Variants in YWHAZ observed in about 807,000 individuals in gnomAD.
YWHAZ encodes the protein 14-3-3 protein zeta/delta.
For missense variants in YWHAZ, 79 were observed against 284.8 expected, an observed-to-expected ratio of 0.28 and a Z score of 5.20; for synonymous variants, 87 against 103.6, an observed-to-expected ratio of 0.84 and a Z score of 0.97.
Position 100,920,716 on chromosome 8 carries a change from C to T in YWHAZ, c.715G>A (p.Ala239Thr), listed in dbSNP as rs776237751. 4.4e-6 allele frequency: 7 copies of T among 1,579,590 alleles called. No individual in the cohort carries two copies. The highest frequency in any genetic ancestry group is 3.5e-5 in the Admixed American group (2 of 56,574). ...TSDTQGDEAEAGEGGEN is the reference protein window; with the variant it reads ...TSDTQGDEAETGEGGEN The stretch of plus-strand genomic sequence containing the variant: ...GGTTAATTTTCCCCTCCTTCTCCTG[C>T]TTCAGCTTCGTCTCCTTGGGTATCC... The change falls in exon 6 of 6, where the codon GCA becomes ACA. Residue 239 changes from alanine to threonine, a missense_variant. Coordinates refer to ENST00000395958, the MANE Select transcript of YWHAZ (RefSeq NM_145690.3).
intron 1 of YWHAZ, chr8:100,951,584 C>G (rs1365098665): frequency 4.1e-6 from 4 of 985,032 alleles, no homozygotes; most frequent in Non-Finnish European, 4.8e-6. Context: ...CCGGCGGCGC[C>G]CCGGCCATGC....
Position 100,918,281 on chromosome 8 carries a change from T to C in YWHAZ, c.*2412A>G, listed in dbSNP as rs1210011972. On this transcript the variant is annotated 3_prime_UTR_variant, in exon 6 of 6. Transcript: ENST00000395958. ...TCGCTTGAACCCAGCAGGCGGAGGT[T>C]GCACTCAGCCGAGATCGCACCACTG... is the stretch of plus-strand genomic sequence containing the variant. 6.9e-6 allele frequency: 1 copy of C among 144,400 alleles called. No homozygotes were observed. Among genetic ancestry groups the C allele is most frequent in the African/African-American group, 2.6e-5 (1 of 38,930 alleles). The allele number at this position is 144,400 out of a possible 1,614,324, so 8.9% of individuals were successfully genotyped here.
At chr8:100,942,262 C>A (rs1261211720) in intron 2 of YWHAZ, among the ~76,000 whole-genome samples, 1 of 152,180 alleles carries the variant, frequency 6.6e-6, no homozygotes, top group African/African-American at 2.4e-5. Context: ...CTAGTGAAAT[C>A]TGCCAATATG....
intron 2 of YWHAZ, among the ~76,000 whole-genome samples, chr8:100,942,364 T>A (rs893657196): frequency 2.6e-5 from 4 of 152,194 alleles, no homozygotes; most frequent in Admixed American, 1.3e-4. Context: ...TATTGCACAG[T>A]AACTTTCACA....
intron 2 of YWHAZ, among the ~76,000 whole-genome samples, chr8:100,945,870 C>T (rs1360782550): frequency 2.0e-4 from 30 of 151,990 alleles, no homozygotes; most frequent in African/African-American, 4.8e-5. Flanking sequence ...TCTAAAGAAG[C>T]CTTTCTGCTT....
chr8:100,946,078 G>A (rs1365292454), intron 2 of YWHAZ, among the ~76,000 whole-genome samples: 1 of 152,150 alleles, frequency 6.6e-6, no homozygotes, highest in African/African-American at 2.4e-5. Context: ...GGAAGCCAGT[G>A]CTATTCTGGA....
At position 100,919,889 on chromosome 8, in the gene YWHAZ, A is replaced by C. The variant is rs1812901964; in HGVS notation, c.*804T>G. On this transcript the variant is annotated 3_prime_UTR_variant, in exon 6 of 6. Coordinates refer to ENST00000395958, the MANE Select transcript of YWHAZ (RefSeq NM_145690.3). ...AGTATCAAAAAAAAAAAAATCACAA[A>C]AGCAAAAATCCTAAAAAAAAGTTAA... The C allele has an allele frequency of 6.9e-6, 1 of 145,498 alleles. No homozygotes were observed. Among genetic ancestry groups the C allele is most frequent in the African/African-American group, 2.5e-5 (1 of 39,790 alleles). The allele number at this position is 145,498 out of a possible 1,614,324, so 9.0% of individuals were successfully genotyped here. A position where few individuals can be genotyped will look rare whatever the true frequency, so the allele number is the denominator to read the frequency against.
intron 5 of YWHAZ, among the ~76,000 whole-genome samples, chr8:100,921,055 G>A (rs1489779350): frequency 6.6e-6 from 1 of 151,708 alleles, no homozygotes; most frequent in East Asian, 1.9e-4. Flanking sequence ...TTTTTTTTGA[G>A]ATGGAGTCTC....
At chr8:100,944,936 CTTT>C (rs894575449) in intron 2 of YWHAZ, among the ~76,000 whole-genome samples, 3 of 152,196 alleles carry the variant, frequency 2.0e-5, no homozygotes, top group African/African-American at 7.2e-5. Context: ...CGACATACTT[CTTT>C]GAGTTTGAAA....
intron 5 of YWHAZ, among the ~76,000 whole-genome samples, chr8:100,921,997 A>C (rs1813056464): frequency 1.3e-5 from 2 of 152,228 alleles, no homozygotes; most frequent in African/African-American, 2.4e-5. Flanking sequence ...AAGCAAATAT[A>C]TCTCTGGCCT....
At chr8:100,928,733 TAAAAA>T (rs1422440678) in intron 2 of YWHAZ, among the ~76,000 whole-genome samples, 2 of 148,144 alleles carry the variant, frequency 1.4e-5, no homozygotes, top group Admixed American at 1.3e-4. Context: ...AACTCCGTCT[TAAAAA>T]GAAAAAAAAA....
At chr8:100,945,676 C>T (rs890200257) in intron 2 of YWHAZ, among the ~76,000 whole-genome samples, 1 of 152,000 alleles carries the variant, frequency 6.6e-6, no homozygotes, top group African/African-American at 2.4e-5. Context: ...ACATTTTATT[C>T]TTCCATCTCA....
At chr8:100,932,256 G>C (rs1011777395) in intron 2 of YWHAZ, among the ~76,000 whole-genome samples, 9 of 152,180 alleles carry the variant, frequency 5.9e-5, no homozygotes, top group Non-Finnish European at 1.3e-4. Context: ...AACCACATTA[G>C]ACTTCAAGTA....
chr8:100,920,928 TG>T (rs796859691), intron 5 of YWHAZ, among the ~76,000 whole-genome samples, 176 bp from the exon 6 acceptor site: 11 of 152,342 alleles, frequency 7.2e-5, no homozygotes, highest in African/African-American at 2.6e-4. Context: ...TTACTTTTTT[TG>T]TAACCACTAT....
At chr8:100,934,383 T>C (rs897731557) in intron 2 of YWHAZ, among the ~76,000 whole-genome samples, 7 of 149,936 alleles carry the variant, frequency 4.7e-5, no homozygotes, top group African/African-American at 1.7e-4. Context: ...ACCCAAATAA[T>C]AGAATACTAT....
chr8:100,939,490 T>A (rs1814459128), intron 2 of YWHAZ, among the ~76,000 whole-genome samples: 1 of 151,582 alleles, frequency 6.6e-6, no homozygotes, highest in African/African-American at 2.4e-5. Flanking sequence ...AGAAACCCCA[T>A]CTCTACTAAA....
rs777764810 is a variant in YWHAZ, at chr8:100,948,749, A to T, written c.141T>A (p.Ala47=). 3.1e-6 allele frequency: 5 copies of T among 1,599,608 alleles called. No individual in the cohort carries two copies. The African/African-American group carries it at 6.7e-5, about 21-fold the overall frequency. Residue 47 remains alanine (A), a synonymous_variant, in exon 2 of 6, where the codon GCT becomes GCA. Coordinates refer to ENST00000395958, the MANE Select transcript of YWHAZ (RefSeq NM_145690.3). The surrounding 1 kb of genome is among the most constrained non-coding windows in gnomAD (Gnocchi z 4.2). The stretch of plus-strand genomic sequence containing the variant: ...TACGGGCTCCTACAACATTTTTATA[A>T]GCAACTGAGAGAAGATTCCTCTCCT... ...SNEERNLLSV[A]YKNVVGARRS...
At chr8:100,934,357 A>T (rs1490390509) in intron 2 of YWHAZ, among the ~76,000 whole-genome samples, 1 of 150,068 alleles carries the variant, frequency 6.7e-6, no homozygotes, top group East Asian at 2.0e-4. Flanking sequence ...GGGTCTGGCT[A>T]AGTAAGTTGC....
rs535341583 is a variant in YWHAZ at position 100,934,090 on chromosome 8, C to T, written c.295-9051G>A. Among the ~76,000 whole-genome samples the T allele has an allele frequency of 2.0e-4, 25 of 125,904 alleles. No individual in the cohort carries two copies. The Admixed American group carries it at 2.2e-3, about 11-fold the overall frequency. The allele number at this position is 125,904 out of a possible 152,430, so 82.6% of individuals were successfully genotyped here. On this transcript the variant is annotated intron_variant, in intron 2 of 5. Transcript: ENST00000395958. ...AGGAGACTCACTTGAACCCTGGAGG[C>T]GGAGGTTGCAGTGAGCTGAGATCGT...
Sources: gnomAD v4.1 joint callset for allele counts (sites outside exome capture counted in the v4.1 genomes callset) on GRCh38, gnomAD v4.1.1 for gene constraint, Gnocchi (gnomAD v3.1) non-coding constraint, MANE v1.5 for transcripts, NCBI Gene and HGNC (gene_info 2026-07-23, HGNC 2026-07-21) for gene names.